PTDSS2: variants seen among roughly 807,000 people sequenced by gnomAD.
PTDSS2 encodes phosphatidylserine synthase 2.
A neutral mutation model predicts 64.7 loss-of-function variants in PTDSS2; 41 were observed. The observed-to-expected ratio is 0.63, with a 90% CI of 0.49 to 0.82. The LOEUF is 0.82. Ranked by LOEUF, PTDSS2 falls within the 40% of genes least tolerant of loss-of-function variation. The pLI is 0.00. For synonymous variants in PTDSS2, 297 were observed against 277.8 expected (o/e 1.07, Z -0.69); for missense variants, 485 against 650.0 (o/e 0.75, Z 2.76).
Position 479,003 on chromosome 11 carries a change from G to A in PTDSS2, c.368-82G>A, listed in dbSNP as rs1847939613. 2 of 1,116,622 alleles carry A rather than the reference G, an allele frequency of 1.8e-6. No homozygotes were observed. Among genetic ancestry groups the A allele is most frequent in the Non-Finnish European group, 2.7e-6 (2 of 731,586 alleles). The allele number at this position is 1,116,622 out of a possible 1,614,324, so 69.2% of individuals were successfully genotyped here. On this transcript the variant is annotated intron_variant, in intron 3 of 11. Coordinates refer to ENST00000308020, the MANE Select transcript of PTDSS2 (RefSeq NM_030783.3). The surrounding 1 kb of genome is among the most constrained non-coding windows in gnomAD (Gnocchi z 4.2). The stretch of plus-strand genomic sequence containing the variant: ...CCCAGAAGAGACACTGGGTGTGAAG[G>A]AGCCAGGAGCCGGCCTGGGGCTGAG...
At chr11:487,399 G>A in intron 5 of PTDSS2, 21 bp from the exon 6 acceptor site, 1 of 1,612,942 alleles carries the variant, frequency 6.2e-7, no homozygotes, top group South Asian at 1.1e-5. Flanking sequence ...AGGGTCAAGG[G>A]TCATACCCTG....
rs763358166 is a variant in PTDSS2 at position 490,080 on chromosome 11, C to G, written c.1301+12C>G. On this transcript the variant is annotated intron_variant, in intron 11 of 11. Coordinates refer to ENST00000308020, the MANE Select transcript of PTDSS2 (RefSeq NM_030783.3). ...CGCTTCTTCCTGCGGTGAGTCAGGG[C>G]AGGGCGCGTATGTTCTGAAGGAGGG... 2 of 1,598,394 alleles carry G rather than the reference C, an allele frequency of 1.3e-6. No homozygotes were observed. The highest frequency in any genetic ancestry group is 3.4e-5 in the Admixed American group (2 of 59,354).
intron 1 of PTDSS2, among the ~76,000 whole-genome samples, chr11:456,395 TC>T (rs1303490357): frequency 6.6e-6 from 1 of 151,366 alleles, no homozygotes; most frequent in African/African-American, 2.4e-5. Flanking sequence ...CGAGCTGGTC[TC>T]CAACTCCTGG....
chr11:453,760 C>T (rs1009252947), intron 1 of PTDSS2, among the ~76,000 whole-genome samples: 1 of 152,242 alleles, frequency 6.6e-6, no homozygotes, highest in African/African-American at 2.4e-5. Flanking sequence ...CTTTGGACGA[C>T]GACGCCGCGT....
At chr11:450,256 G>C (rs574506739), upstream of PTDSS2, 14 of 387,844 alleles carry the variant, frequency 3.6e-5, no homozygotes, top group African/African-American at 1.7e-4. Context: ...GGCCCAGCAT[G>C]CCCCGCGCGG....
At chr11:471,215 C>T (rs1028337097) in intron 2 of PTDSS2, among the ~76,000 whole-genome samples, 1 of 151,662 alleles carries the variant, frequency 6.6e-6, no homozygotes, top group African/African-American at 2.4e-5. Context: ...CCTACTTCAG[C>T]CTCCCGAGTA....
In PTDSS2 at chr11:490,630, GGCCTCCTCCTGTGTGAGTCCCACCAGGA is replaced by G. The variant is rs1663818509; in HGVS notation, c.*52_*79del. 4 of 1,522,506 alleles carry G rather than the reference GGCCTCCTCCTGTGTGAGTCCCACCAGGA, an allele frequency of 2.6e-6. No homozygotes were observed. The highest frequency in any genetic ancestry group is 1.2e-5 in the South Asian group (1 of 81,186). 94.3% of individuals were successfully genotyped at this position (1,522,506 alleles called of 1,614,324 possible). On this transcript the variant is annotated 3_prime_UTR_variant, in exon 12 of 12. Transcript: ENST00000308020. ...AGCCTCCCAGAGCCCAGGCCTCCGT[GGCCTCCTCCTGTGTGAGTCCCACCAGGA>G]GCCACGTGCCCGGCCTTGCCCTCAA... is the stretch of plus-strand genomic sequence containing the variant.
rs780766391 is a variant in PTDSS2 at position 488,533 on chromosome 11, TC to T, written c.741del (p.Met248TrpfsTer15). ...AGTGCTGGCCCCTCCCTGCAGTGGATCATGGACGTGCTCGTCTGCAACGGGC... is the reference window on the plus strand; with the variant it reads ...AGTGCTGGCCCCTCCCTGCAGTGGATATGGACGTGCTCGTCTGCAACGGGC... ...NFSECWWDHW[I>X]MDVLVCNGLG... On this transcript the variant is annotated frameshift_variant, in exon 8 of 12. Coordinates refer to ENST00000308020, the MANE Select transcript of PTDSS2 (RefSeq NM_030783.3). LOFTEE classifies it high-confidence loss of function. The T allele has an allele frequency of 6.2e-7, 1 of 1,613,000 alleles. No homozygotes were observed. The highest frequency in any genetic ancestry group is 8.5e-7 in the Non-Finnish European group (1 of 1,179,600).
intron 5 of PTDSS2, 31 bp from the exon 6 acceptor site, chr11:487,389 A>G (rs773801657): frequency 6.8e-6 from 11 of 1,609,006 alleles, no homozygotes; most frequent in Middle Eastern, 1.6e-4. Context: ...GCTGTGCCCC[A>G]GGGTCAAGGG....
intron 11 of PTDSS2, 53 bp downstream of exon 11, chr11:490,121 CT>C: frequency 1.3e-6 from 2 of 1,530,512 alleles, no homozygotes. Flanking sequence ...GTCCGGGTCC[CT>C]TGGCACAGGC....
At chr11:471,955 C>T (rs1478541264) in intron 2 of PTDSS2, among the ~76,000 whole-genome samples, 1 of 139,420 alleles carries the variant, frequency 7.2e-6, no homozygotes, top group African/African-American at 2.7e-5. Flanking sequence ...GGATGGCGGC[C>T]TGGGGTGATG....
intron 2 of PTDSS2, among the ~76,000 whole-genome samples, chr11:465,758 C>CT (rs202041112): frequency 6.6e-6 from 1 of 150,738 alleles, no homozygotes; most frequent in Admixed American, 6.6e-5. Flanking sequence ...GGACCACCCC[C>CT]CCCCCATCTC....
chr11:474,912 TACGG>T (rs142158298), intron 3 of PTDSS2, among the ~76,000 whole-genome samples: 33,918 of 151,476 alleles, frequency 0.22, 4,081 homozygotes, highest in African/African-American at 0.33. Flanking sequence ...CACGTTCGTG[TACGG>T]ACATATTCAC....
At chr11:482,796 CCGAG>C (rs1848130033) in intron 4 of PTDSS2, among the ~76,000 whole-genome samples, 1 of 150,248 alleles carries the variant, frequency 6.7e-6, no homozygotes, top group African/African-American at 2.5e-5. Context: ...GATCTCCCTA[CCGAG>C]TGGAGAAGGT....
At chr11:469,009 G>A (rs1422797932) in intron 2 of PTDSS2, among the ~76,000 whole-genome samples, 4 of 134,504 alleles carry the variant, frequency 3.0e-5, no homozygotes, top group South Asian at 2.7e-4. Flanking sequence ...GGAGGAGGAG[G>A]GGAGTCTCTG....
At chr11:467,805 A>G (rs1847208579) in intron 2 of PTDSS2, among the ~76,000 whole-genome samples, 1 of 152,114 alleles carries the variant, frequency 6.6e-6, no homozygotes, top group Non-Finnish European at 1.5e-5. Flanking sequence ...GCTCCTGAAT[A>G]TTTATCCAAC....
At chr11:452,411 G>C (rs1294176591) in intron 1 of PTDSS2, among the ~76,000 whole-genome samples, 2 of 152,260 alleles carry the variant, frequency 1.3e-5, no homozygotes, top group Non-Finnish European at 2.9e-5. Flanking sequence ...CCCAGTACCA[G>C]GGAAGCAGGA....
chr11:458,253 G>A (rs186246795), intron 1 of PTDSS2, among the ~76,000 whole-genome samples: 1,808 of 149,674 alleles, frequency 0.012, 42 homozygotes, highest in African/African-American at 0.042. Context: ...CGCCCAGGCT[G>A]GAGTGCAGTG....
At chr11:483,628 T>C (rs867397344) in intron 4 of PTDSS2, among the ~76,000 whole-genome samples, 2 of 152,252 alleles carry the variant, frequency 1.3e-5, no homozygotes, top group Admixed American at 6.5e-5. Flanking sequence ...TTGATTTTCT[T>C]ATCCTGAACC....
Sources: gnomAD v4.1 joint callset for allele counts (sites outside exome capture counted in the v4.1 genomes callset) on GRCh38, gnomAD v4.1.1 for gene constraint, Gnocchi (gnomAD v3.1) non-coding constraint, MANE v1.5 for transcripts, NCBI Gene and HGNC (gene_info 2026-07-23, HGNC 2026-07-21) for gene names.